PPP1R14C: variants seen among roughly 807,000 people sequenced by gnomAD.
PPP1R14C encodes the protein protein phosphatase 1 regulatory subunit 14C.
In PPP1R14C, 16 loss-of-function variants were observed where a neutral mutation model predicts 20.4. That is an observed-to-expected ratio of 0.78 (90% confidence interval 0.53 to 1.19). PPP1R14C has a LOEUF of 1.19. PPP1R14C is among the 50% of genes most tolerant of loss of function. The pLI, the probability that PPP1R14C is intolerant of heterozygous loss-of-function variation, is 0.00. For missense variants in PPP1R14C, 211 were observed against 220.1 expected, an observed-to-expected ratio of 0.96 and a Z score of 0.26; for synonymous variants, 91 against 91.0, an observed-to-expected ratio of 1.00 and a Z score of 0.00.
chr6:150,216,668 A>C (rs1248500919), intron 2 of PPP1R14C, among the ~76,000 whole-genome samples, 156 bp from the exon 3 acceptor site: 1 of 152,240 alleles, frequency 6.6e-6, no homozygotes, highest in African/African-American at 2.4e-5. Context: ...CAGACTACCA[A>C]CTGGTGCTGA....
chr6:150,194,875 T>A, intron 1 of PPP1R14C: 2 of 985,410 alleles, frequency 2.0e-6, no homozygotes, highest in Non-Finnish European at 2.4e-6. Context: ...AATACAATTA[T>A]TGACACTGAT....
chr6:150,167,664 C>G (rs545553954), intron 1 of PPP1R14C, among the ~76,000 whole-genome samples: 7 of 152,108 alleles, frequency 4.6e-5, no homozygotes, highest in African/African-American at 1.7e-4. Flanking sequence ...ATAAAAAGCT[C>G]GGAAGACCAG....
intron 1 of PPP1R14C, among the ~76,000 whole-genome samples, chr6:150,208,891 T>C (rs1415773356): frequency 2.0e-5 from 3 of 152,160 alleles, no homozygotes; most frequent in Admixed American, 6.5e-5. Context: ...TTACAGGAAT[T>C]ATTTTGGATT....
intron 1 of PPP1R14C, among the ~76,000 whole-genome samples, chr6:150,176,706 G>C (rs1777566341): frequency 6.6e-6 from 1 of 152,210 alleles, no homozygotes; most frequent in Admixed American, 6.5e-5. Flanking sequence ...TCACAGAAGT[G>C]AGATTTTTTT....
Position 150,249,497 on chromosome 6 carries a change from T to C in PPP1R14C, c.*677T>C, listed in dbSNP as rs1348645996. 1 of 398,552 alleles carries C rather than the reference T, an allele frequency of 2.5e-6. No individual in the cohort carries two copies. Among genetic ancestry groups the C allele is most frequent in the Non-Finnish European group, 4.4e-6 (1 of 226,076 alleles). 24.7% of individuals were successfully genotyped at this position (398,552 alleles called of 1,614,324 possible). ...TTAAGTTGGTCAAGGGCTTAATTTA[T>C]GGAATTTCTATTATTTCATTGGTTG... On this transcript the variant is annotated 3_prime_UTR_variant, in exon 4 of 4. Transcript: ENST00000361131.
rs189555907 is a variant in PPP1R14C, at chr6:150,144,928, C to A, written c.306+1430C>A. Among the ~76,000 whole-genome samples the A allele has an allele frequency of 5.9e-5, 9 of 152,162 alleles. No homozygotes were observed. The East Asian group carries it at 1.7e-3, about 29-fold the overall frequency. The stretch of plus-strand genomic sequence containing the variant: ...ACATTATTTGATGTAGATGGGATTA[C>A]TGTTGGATGAGTGGATGTGCTCAGT... On this transcript the variant is annotated intron_variant, in intron 1 of 3. Coordinates refer to ENST00000361131, the MANE Select transcript of PPP1R14C (RefSeq NM_030949.3).
At chr6:150,159,960 C>T (rs560885224) in intron 1 of PPP1R14C, among the ~76,000 whole-genome samples, 2 of 152,304 alleles carry the variant, frequency 1.3e-5, no homozygotes, top group South Asian at 4.1e-4. Flanking sequence ...ATGACCTTGA[C>T]AGTATTGTGG....
intron 1 of PPP1R14C, among the ~76,000 whole-genome samples, chr6:150,208,721 G>A (rs186473347): frequency 3.3e-5 from 5 of 152,240 alleles, no homozygotes; most frequent in South Asian, 2.1e-4. Context: ...TTCACTTGGC[G>A]TGAATGAGTC....
chr6:150,247,756 AG>A (rs972719573), intron 3 of PPP1R14C, among the ~76,000 whole-genome samples: 16 of 152,308 alleles, frequency 1.1e-4, no homozygotes, highest in Admixed American at 2.6e-4. Context: ...AGTATTCTCC[AG>A]TGATAAGTAG....
At chr6:150,163,019 T>C (rs1777387278) in intron 1 of PPP1R14C, among the ~76,000 whole-genome samples, 1 of 152,122 alleles carries the variant, frequency 6.6e-6, no homozygotes, top group African/African-American at 2.4e-5. Context: ...TCTGGCAGGA[T>C]GAATCTTGGC....
intron 3 of PPP1R14C, among the ~76,000 whole-genome samples, chr6:150,220,576 G>A (rs1027116509): frequency 1.3e-5 from 2 of 152,196 alleles, no homozygotes; most frequent in Non-Finnish European, 2.9e-5. Flanking sequence ...CAGAGAGGAG[G>A]CCCCATTGGT....
rs1248488918 is a variant in PPP1R14C, at chr6:150,231,550, T to C, written c.423+14694T>C. Among the ~76,000 whole-genome samples the C allele has an allele frequency of 2.6e-5, 4 of 152,318 alleles. No individual in the cohort carries two copies. The East Asian group carries it at 5.8e-4, about 22-fold the overall frequency. On this transcript the variant is annotated intron_variant, in intron 3 of 3. Coordinates refer to ENST00000361131, the MANE Select transcript of PPP1R14C (RefSeq NM_030949.3). ...CTTTTTCTTCACTTTTATGCCAGAGTTACAGGAATTAATCAGTTCATTTGT... is the reference window on the plus strand; with the variant it reads ...CTTTTTCTTCACTTTTATGCCAGAGCTACAGGAATTAATCAGTTCATTTGT...
chr6:150,180,716 T>C (rs1777611685), intron 1 of PPP1R14C, among the ~76,000 whole-genome samples: 1 of 151,986 alleles, frequency 6.6e-6, no homozygotes, highest in Admixed American at 6.6e-5. Flanking sequence ...TCTGTGAAGC[T>C]CCCTAAGAGC....
At chr6:150,176,809 G>A (rs913168433) in intron 1 of PPP1R14C, among the ~76,000 whole-genome samples, 38 of 152,228 alleles carry the variant, frequency 2.5e-4, no homozygotes, top group African/African-American at 8.9e-4. Context: ...TGAAGGAGTG[G>A]CTTCAAACAG....
intron 1 of PPP1R14C, among the ~76,000 whole-genome samples, chr6:150,145,963 G>GCGA (rs1379978949): frequency 6.6e-6 from 1 of 152,202 alleles, no homozygotes; most frequent in Non-Finnish European, 1.5e-5. Flanking sequence ...GCAGTGTAAA[G>GCGA]TGATGTATTT....
chr6:150,246,339 C>G (rs1302705130), intron 3 of PPP1R14C, among the ~76,000 whole-genome samples: 1 of 151,616 alleles, frequency 6.6e-6, no homozygotes, highest in African/African-American at 2.4e-5. Flanking sequence ...AATACTGAAA[C>G]TTTTTGTAGT....
chr6:150,209,784 TGTGA>T (rs1236366763), intron 1 of PPP1R14C, among the ~76,000 whole-genome samples: 1 of 151,112 alleles, frequency 6.6e-6, no homozygotes, highest in Non-Finnish European at 1.5e-5. Flanking sequence ...TGTGCATGCA[TGTGA>T]GTGAGTAGTG....
At chr6:150,168,199 G>A (rs370656865) in intron 1 of PPP1R14C, among the ~76,000 whole-genome samples, 7 of 118,170 alleles carry the variant, frequency 5.9e-5, no homozygotes, top group East Asian at 2.5e-4. Context: ...TATGCAGTGA[G>A]TTGCTGGTGA....
intron 1 of PPP1R14C, chr6:150,195,896 T>A: frequency 1.0e-6 from 1 of 985,404 alleles, no homozygotes; most frequent in Non-Finnish European, 1.2e-6. Context: ...TAAGGCAGTG[T>A]CAGGTCATGG....
Sources: gnomAD v4.1 joint callset for allele counts (sites outside exome capture counted in the v4.1 genomes callset) on GRCh38, gnomAD v4.1.1 for gene constraint, MANE v1.5 for transcripts, NCBI Gene and HGNC (gene_info 2026-07-23, HGNC 2026-07-21) for gene names.